The following KCNIP4 variants were observed in gnomAD, a reference collection of about 807,000 sequenced individuals.
KCNIP4 encodes Kv channel-interacting protein 4.
In KCNIP4, 12 loss-of-function variants were observed where a neutral mutation model predicts 34.0. The observed-to-expected ratio is 0.35, with a 90% CI of 0.23 to 0.57. The LOEUF (loss-of-function observed/expected upper bound fraction) is 0.57, where lower values mean the gene tolerates loss of function less well. Among genes scored for constraint, KCNIP4 ranks in the 20% least tolerant of loss-of-function variants. KCNIP4 has a pLI of 0.83. For synonymous variants in KCNIP4, 124 were observed against 102.2 expected, an observed-to-expected ratio of 1.21 and a Z score of -1.29; for missense variants, 238 against 311.7, an observed-to-expected ratio of 0.76 and a Z score of 1.78.
rs1432647845 is a variant in KCNIP4, at chr4:21,240,913, G to T, written c.62-358204C>A. Among the ~76,000 whole-genome samples the T allele has an allele frequency of 2.6e-5, 4 of 152,108 alleles. No homozygotes were observed. In the East Asian group the frequency reaches 7.7e-4, roughly 29 times the overall value. On this transcript the variant is annotated intron_variant, in intron 1 of 8. Transcript: ENST00000382152. ...GTCTACTGTAAAAAATTAATGAGAT[G>T]CAGTCAGATGGTTATCCATAAAAAT... is the stretch of plus-strand genomic sequence containing the variant.
At chr4:21,032,729 T>C (rs1741127295) in intron 1 of KCNIP4, among the ~76,000 whole-genome samples, 1 of 152,024 alleles carries the variant, frequency 6.6e-6, no homozygotes, top group Non-Finnish European at 1.5e-5. Context: ...TTGTAATTAA[T>C]GATAGTTCAG....
At chr4:20,896,163 T>C (rs1253906748) in intron 1 of KCNIP4, among the ~76,000 whole-genome samples, 1 of 152,114 alleles carries the variant, frequency 6.6e-6, no homozygotes, top group Non-Finnish European at 1.5e-5. Flanking sequence ...ACACAGGACA[T>C]GCATGCTCGG....
chr4:21,928,119 T>TAC (rs1729369055), intron 1 of KCNIP4, among the ~76,000 whole-genome samples: 2 of 125,394 alleles, frequency 1.6e-5, no homozygotes, highest in African/African-American at 3.3e-5. Flanking sequence ...TATATATATA[T>TAC]ATATATATAC....
chr4:21,783,167 G>A (rs188140560), intron 1 of KCNIP4, among the ~76,000 whole-genome samples: 1 of 152,248 alleles, frequency 6.6e-6, no homozygotes, highest in Admixed American at 6.5e-5. Flanking sequence ...TCAGTTTCCT[G>A]GTTTTGATTT....
In KCNIP4 at chr4:21,210,426, G is replaced by A. The variant is rs555908539; in HGVS notation, c.62-327717C>T. Among the ~76,000 whole-genome samples the A allele has an allele frequency of 8.1e-4, 124 of 152,236 alleles. 1 individual carries two copies. The Middle Eastern group carries it at 0.014, about 17-fold the overall frequency. On this transcript the variant is annotated intron_variant, in intron 1 of 8. Transcript: ENST00000382152. ...AAGCTTTAAGTTCCATTGAAAGCTA[G>A]AAGTCTATTATTTGCCTAGATCCAG...
chr4:21,387,457 T>C (rs1722131306), intron 1 of KCNIP4, among the ~76,000 whole-genome samples: 1 of 152,236 alleles, frequency 6.6e-6, no homozygotes. Flanking sequence ...ATTCTGAGAA[T>C]GTCTTCAGTC....
At chr4:21,582,923 T>C (rs1741343086) in intron 1 of KCNIP4, among the ~76,000 whole-genome samples, 1 of 151,928 alleles carries the variant, frequency 6.6e-6, no homozygotes, top group Admixed American at 6.6e-5. Context: ...TGTGCACCCA[T>C]CCTAGATCAT....
chr4:21,620,631 GA>G (rs1446721040), intron 1 of KCNIP4, among the ~76,000 whole-genome samples: 2 of 152,054 alleles, frequency 1.3e-5, no homozygotes, highest in African/African-American at 4.8e-5. Flanking sequence ...AAATGAAAAA[GA>G]AAAAATAGCA....
At chr4:21,014,910 T>C (rs568909995) in intron 1 of KCNIP4, among the ~76,000 whole-genome samples, 9 of 152,168 alleles carry the variant, frequency 5.9e-5, no homozygotes, top group Non-Finnish European at 1.3e-4. Flanking sequence ...ATAATATACA[T>C]ACAATGGAAT....
intron 1 of KCNIP4, among the ~76,000 whole-genome samples, chr4:21,515,499 C>T (rs975057477): frequency 6.6e-6 from 1 of 151,944 alleles, no homozygotes; most frequent in Non-Finnish European, 1.5e-5. Context: ...ATTAGCTATG[C>T]GTCGTTGCAG....
At chr4:20,889,805 C>A (rs1030427650) in intron 1 of KCNIP4, among the ~76,000 whole-genome samples, 1 of 149,060 alleles carries the variant, frequency 6.7e-6, no homozygotes, top group Admixed American at 6.7e-5. Flanking sequence ...AACTCCCATA[C>A]CTCTGCATCT....
At chr4:21,914,178 A>T (rs1427451282) in intron 1 of KCNIP4, among the ~76,000 whole-genome samples, 1 of 152,196 alleles carries the variant, frequency 6.6e-6, no homozygotes, top group Non-Finnish European at 1.5e-5. Context: ...GTTAGGAAGG[A>T]AGTCACTAGA....
chr4:20,741,876 G>A (rs1338674814), intron 5 of KCNIP4, among the ~76,000 whole-genome samples: 1 of 152,142 alleles, frequency 6.6e-6, no homozygotes, highest in Non-Finnish European at 1.5e-5. Context: ...AATAAAAAAT[G>A]ATAAAGGGGA....
Position 20,930,875 on chromosome 4 carries a change from A to T in KCNIP4, c.62-48166T>A, listed in dbSNP as rs1164839197. On this transcript the variant is annotated intron_variant, in intron 1 of 8. Coordinates refer to ENST00000382152, the MANE Select transcript of KCNIP4 (RefSeq NM_025221.6). Reference sequence around the variant, plus strand: ...AAGACAAGAGGTTACTGCTGGTGAGAGTGTGGGGAAAAGGGAAATACAGTA... The same window carrying T: ...AAGACAAGAGGTTACTGCTGGTGAGTGTGTGGGGAAAAGGGAAATACAGTA... 4.6e-5 allele frequency among the ~76,000 whole-genome samples: 7 copies of T among 151,394 alleles called. No homozygotes were observed. In the East Asian group the frequency reaches 1.4e-3, roughly 29 times the overall value.
At chr4:21,248,016 G>A (rs1240384320) in intron 1 of KCNIP4, among the ~76,000 whole-genome samples, 2 of 142,124 alleles carry the variant, frequency 1.4e-5, no homozygotes, top group South Asian at 2.3e-4. Context: ...CCCCACAGGT[G>A]GATATATATA....
chr4:21,812,849 G>T lies in KCNIP4; in HGVS notation c.61+135722C>A, dbSNP rs934720879. ...TTACCTACTGTCTCACCCAGGATAA[G>T]CTTTTCCACAGCCAGAAATTCTGAT... On this transcript the variant is annotated intron_variant, in intron 1 of 8. Transcript: ENST00000382152. Among the ~76,000 whole-genome samples the T allele has an allele frequency of 4.6e-4, 70 of 152,254 alleles. 1 individual carries two copies. Among genetic ancestry groups the T allele is most frequent in the Admixed American group, 7.2e-4 (11 of 15,290 alleles).
chr4:21,304,124 G>T (rs1036737638), intron 1 of KCNIP4: 8 of 462,186 alleles, frequency 1.7e-5, no homozygotes, highest in Admixed American at 4.3e-5. Flanking sequence ...GAGAGAGAGG[G>T]AGAGAGAGAG....
chr4:21,198,310 C>A (rs1756207770), intron 1 of KCNIP4, among the ~76,000 whole-genome samples: 1 of 152,206 alleles, frequency 6.6e-6, no homozygotes, highest in Non-Finnish European at 1.5e-5. Context: ...CCACTGCTAG[C>A]ATTAGTGCTC....
At chr4:21,128,099 G>A (rs1284753077) in intron 1 of KCNIP4, among the ~76,000 whole-genome samples, 1 of 152,144 alleles carries the variant, frequency 6.6e-6, no homozygotes, top group Admixed American at 6.5e-5. Context: ...TAATAAGCTG[G>A]AGAATTACAA....
Sources: gnomAD v4.1 joint callset for allele counts (sites outside exome capture counted in the v4.1 genomes callset) on GRCh38, gnomAD v4.1.1 for gene constraint, MANE v1.5 for transcripts, NCBI Gene and HGNC (gene_info 2026-07-23, HGNC 2026-07-21) for gene names.